The following PPM1H variants were observed in gnomAD, a reference collection of about 807,000 sequenced individuals.
The protein encoded by PPM1H is protein phosphatase 1H.
Under a neutral mutation model 54.9 loss-of-function variants are expected in PPM1H, and 27 were observed. The ratio of observed to expected loss-of-function variants is 0.49; its 90% CI spans 0.36 to 0.68. The LOEUF is 0.68. Ranked by LOEUF, PPM1H falls within the 30% of genes least tolerant of loss-of-function variation. PPM1H has a pLI of 0.00. For missense variants in PPM1H, 596 were observed against 667.8 expected, an observed-to-expected ratio of 0.89 and a Z score of 1.19; for synonymous variants, 305 against 270.8, an observed-to-expected ratio of 1.13 and a Z score of -1.24.
chr12:62,866,015 A>G (rs987637857), intron 1 of PPM1H, among the ~76,000 whole-genome samples: 4 of 152,172 alleles, frequency 2.6e-5, no homozygotes, highest in South Asian at 2.1e-4. Flanking sequence ...CTCAGCATGC[A>G]TTTATACAAG....
chr12:62,699,584 A>G (rs547444883), intron 6 of PPM1H, among the ~76,000 whole-genome samples: 1 of 152,350 alleles, frequency 6.6e-6, no homozygotes, highest in Admixed American at 6.5e-5. Context: ...ACTCAACAGT[A>G]GAGGGTGGAC....
chr12:62,924,434 C>T (rs1731667), intron 1 of PPM1H, among the ~76,000 whole-genome samples: 132,894 of 152,004 alleles, frequency 0.87, 59,505 homozygotes, highest in Non-Finnish European at 0.98. Flanking sequence ...GCATTTAGAT[C>T]AAATTTCTTA....
In PPM1H at chr12:62,830,847, C is replaced by T. The variant is rs1868346356; in HGVS notation, c.411+1267G>A. Among the ~76,000 whole-genome samples, 3 of 149,628 alleles carry T rather than the reference C, an allele frequency of 2.0e-5. No homozygotes were observed. In the South Asian group the frequency reaches 6.3e-4, roughly 31 times the overall value. On this transcript the variant is annotated intron_variant, in intron 2 of 9. Transcript: ENST00000228705. Reference sequence around the variant, plus strand: ...CCCTGAGCATAGACGCAATGAAACACTATTTCTTTTTCTTTTTCTCTTTTT... The same window carrying T: ...CCCTGAGCATAGACGCAATGAAACATTATTTCTTTTTCTTTTTCTCTTTTT...
intron 6 of PPM1H, among the ~76,000 whole-genome samples, chr12:62,715,237 C>A (rs187396128): frequency 6.9e-4 from 105 of 152,318 alleles, no homozygotes; most frequent in African/African-American, 2.5e-3. Flanking sequence ...CATCCTGCAA[C>A]AGCAGCTCAA....
At chr12:62,657,679 C>T (rs914428853) in intron 9 of PPM1H, among the ~76,000 whole-genome samples, 1 of 152,130 alleles carries the variant, frequency 6.6e-6, no homozygotes, top group Non-Finnish European at 1.5e-5. Context: ...TTATGGCATG[C>T]AAGAAATTAG....
intron 1 of PPM1H, among the ~76,000 whole-genome samples, chr12:62,878,793 G>A (rs1245647649): frequency 1.3e-5 from 2 of 151,758 alleles, no homozygotes; most frequent in Non-Finnish European, 2.9e-5. Flanking sequence ...TACAAAAATT[G>A]GCCAGATGTG....
At chr12:62,833,308 G>A (rs1368490658) in intron 1 of PPM1H, among the ~76,000 whole-genome samples, 1 of 152,152 alleles carries the variant, frequency 6.6e-6, no homozygotes, top group Non-Finnish European at 1.5e-5. Context: ...TATTGATTGA[G>A]TTGCACAGCC....
chr12:62,846,885 G>C (rs1242945226), intron 1 of PPM1H, among the ~76,000 whole-genome samples: 1 of 152,202 alleles, frequency 6.6e-6, no homozygotes, highest in East Asian at 1.9e-4. Flanking sequence ...TCTGCCACTG[G>C]CTAGTTGTGT....
intron 2 of PPM1H, among the ~76,000 whole-genome samples, chr12:62,812,294 T>C (rs1202342473): frequency 6.6e-6 from 1 of 152,136 alleles, no homozygotes; most frequent in African/African-American, 2.4e-5. Flanking sequence ...AATCAGACCC[T>C]TCATAATTAG....
At chr12:62,932,931 G>C (rs779143660) in intron 1 of PPM1H, among the ~76,000 whole-genome samples, 2 of 151,434 alleles carry the variant, frequency 1.3e-5, no homozygotes, top group Admixed American at 6.6e-5. Flanking sequence ...CACCGCGCCC[G>C]GCCTAAATGG....
At chr12:62,850,590 T>C (rs1869143776) in intron 1 of PPM1H, 2 of 150,236 alleles carry the variant, frequency 1.3e-5, no homozygotes, top group Non-Finnish European at 3.0e-5. Context: ...GCAGTTTTAC[T>C]GTTAGAAATA....
intron 8 of PPM1H, among the ~76,000 whole-genome samples, chr12:62,675,257 G>A (rs2136621229): frequency 6.6e-6 from 1 of 152,298 alleles, no homozygotes. Flanking sequence ...GCTAAAATAT[G>A]AGGTATTGTG....
chr12:62,888,551 G>C (rs1870672121), intron 1 of PPM1H, among the ~76,000 whole-genome samples: 1 of 152,190 alleles, frequency 6.6e-6, no homozygotes, highest in Non-Finnish European at 1.5e-5. Context: ...ACTATCGTCA[G>C]AGATGCCAAC....
At chr12:62,722,444 C>T (rs774665159) in intron 5 of PPM1H, among the ~76,000 whole-genome samples, 1 of 152,160 alleles carries the variant, frequency 6.6e-6, no homozygotes, top group African/African-American at 2.4e-5. Context: ...CGAGGTCATT[C>T]GCCCAAGACT....
chr12:62,786,992 C>A (rs1167855279), intron 4 of PPM1H, among the ~76,000 whole-genome samples: 1 of 152,172 alleles, frequency 6.6e-6, no homozygotes, highest in Non-Finnish European at 1.5e-5. Context: ...AGACCTTCAA[C>A]AAACACCAAT....
At chr12:62,827,487 C>T (rs913193402) in intron 2 of PPM1H, among the ~76,000 whole-genome samples, 5 of 152,184 alleles carry the variant, frequency 3.3e-5, no homozygotes, top group African/African-American at 1.2e-4. Context: ...AGCCTTCCCA[C>T]TGCCATCACT....
intron 4 of PPM1H, among the ~76,000 whole-genome samples, chr12:62,763,883 C>A (rs1167657608): frequency 6.6e-6 from 1 of 152,172 alleles, no homozygotes; most frequent in African/African-American, 2.4e-5. Context: ...ACCTCCACTC[C>A]TGGTTGCTTT....
At chr12:62,910,361 G>A (rs1000831882) in intron 1 of PPM1H, among the ~76,000 whole-genome samples, 1 of 152,284 alleles carries the variant, frequency 6.6e-6, no homozygotes, top group African/African-American at 2.4e-5. Context: ...TTCAGGAAAA[G>A]TTTGAATAAC....
chr12:62,835,148 G>C (rs1301343025), intron 1 of PPM1H, among the ~76,000 whole-genome samples: 1 of 152,132 alleles, frequency 6.6e-6, no homozygotes, highest in Non-Finnish European at 1.5e-5. Flanking sequence ...TACATGCCAA[G>C]GTGACTCATC....
Sources: allele counts gnomAD v4.1 joint callset (sites outside exome capture counted in the v4.1 genomes callset), GRCh38; gene constraint gnomAD v4.1.1; transcripts MANE v1.5; gene names NCBI Gene and HGNC (gene_info 2026-07-23, HGNC 2026-07-21).